The following TENM3 variants were observed in gnomAD, a reference collection of about 807,000 sequenced individuals.
TENM3 encodes the protein teneurin-3.
TENM3 carries 63 observed loss-of-function variants against 255.1 expected under a neutral mutation model. That is an observed-to-expected ratio of 0.25 (90% CI 0.20 to 0.30). The LOEUF is 0.30. TENM3 is among the 10% of genes least tolerant of loss of function. The pLI is 1.00. For missense variants in TENM3, 2,929 were observed against 3,461.1 expected, an observed-to-expected ratio of 0.85 and a Z score of 3.86; for synonymous variants, 1,306 against 1,322.3, an observed-to-expected ratio of 0.99 and a Z score of 0.27.
At position 182,753,608 on chromosome 4, in the gene TENM3, G is replaced by A. The variant is rs770415009; in HGVS notation, c.4017+4G>A. On this transcript the variant is annotated splice_donor_region_variant and intron_variant, in intron 21 of 27. Coordinates refer to ENST00000511685, the MANE Select transcript of TENM3 (RefSeq NM_001080477.4). Reference sequence around the variant, plus strand: ...CACCAGCATGCACATCAGCCAGGTAGTTAAATACTAAGCGGACTTGTTTGT... The same window carrying A: ...CACCAGCATGCACATCAGCCAGGTAATTAAATACTAAGCGGACTTGTTTGT... 5 of 1,613,300 alleles carry A rather than the reference G, an allele frequency of 3.1e-6. No homozygotes were observed. In the South Asian group the frequency reaches 5.5e-5, roughly 18 times the overall value.
intron 3 of TENM3, among the ~76,000 whole-genome samples, chr4:182,477,351 T>C (rs1733772773): frequency 6.6e-6 from 1 of 152,210 alleles, no homozygotes; most frequent in East Asian, 1.9e-4. Flanking sequence ...TTCCGTCTTT[T>C]GCCGTCATCA....
At chr4:181,945,161 G>C in the TENM3 span, among the ~76,000 whole-genome samples, 1 of 152,098 alleles carries the variant, frequency 6.6e-6, no homozygotes, top group South Asian at 2.1e-4. Context: ...GGAAAGATAA[G>C]CAATGTAGGG....
At chr4:182,303,309 AC>A in intron 1 of TENM3, among the ~76,000 whole-genome samples, 1 of 152,278 alleles carries the variant, frequency 6.6e-6, no homozygotes, top group East Asian at 1.9e-4. Context: ...GTGATTTCAC[AC>A]GTTGGTTACT....
intron 4 of TENM3, among the ~76,000 whole-genome samples, chr4:182,611,691 A>T (rs887237351): frequency 3.9e-5 from 6 of 152,228 alleles, no homozygotes; most frequent in Non-Finnish European, 8.8e-5. Flanking sequence ...TGATGGGACT[A>T]TTTCCAAATG....
rs779351840 is a variant in TENM3, at chr4:182,324,016, G to A, written c.-5G>A. ...GGACTGATGTGCACACAGAAGGAAT[G>A]AAGTATGGATGTGAAAGAACGCAGG... On this transcript the variant is annotated 5_prime_UTR_variant, in exon 2 of 28. An upstream start codon of the reference 5' UTR is lost. Transcript: ENST00000511685. The A allele has an allele frequency of 1.2e-6, 2 of 1,612,658 alleles. No individual in the cohort carries two copies. Among genetic ancestry groups the A allele is most frequent in the Admixed American group, 1.7e-5 (1 of 59,870 alleles).
At chr4:181,879,818 G>C in the TENM3 span, among the ~76,000 whole-genome samples, 3 of 152,080 alleles carry the variant, frequency 2.0e-5, no homozygotes, top group Non-Finnish European at 2.9e-5. Flanking sequence ...TTCGTTGATT[G>C]CTCAGTCCAA....
chr4:181,663,055 G>A, the TENM3 span, among the ~76,000 whole-genome samples: 5,528 of 152,170 alleles, frequency 0.036, 310 homozygotes, highest in African/African-American at 0.12. Context: ...CCTGGTCTCC[G>A]TTTTTGTGTT....
intron 3 of TENM3, among the ~76,000 whole-genome samples, chr4:182,521,704 G>A (rs35177381): frequency 0.26 from 39,223 of 152,058 alleles, 6,212 homozygotes; most frequent in South Asian, 0.37. Flanking sequence ...TATTTTTAAT[G>A]CGTTTCAAGA....
the TENM3 span, among the ~76,000 whole-genome samples, chr4:181,542,557 G>A: frequency 6.6e-6 from 1 of 151,976 alleles, no homozygotes; most frequent in African/African-American, 2.4e-5. Context: ...AAATAGAAGT[G>A]GGGATGGAGA....
At position 182,433,147 on chromosome 4, in the gene TENM3, T is replaced by C. The variant is rs1183731552; in HGVS notation, c.511+86218T>C. ...GTGATTGTGGTGATGGAAAATATTTTGAATCTAACCAGAGGGCCTGTGGAT... is the reference window on the plus strand; with the variant it reads ...GTGATTGTGGTGATGGAAAATATTTCGAATCTAACCAGAGGGCCTGTGGAT... On this transcript the variant is annotated intron_variant, in intron 3 of 27. Transcript: ENST00000511685. Among the ~76,000 whole-genome samples, 6 of 152,184 alleles carry C rather than the reference T, an allele frequency of 3.9e-5. 1 individual carries two copies. The highest frequency in any genetic ancestry group is 3.9e-4 in the Admixed American group (6 of 15,280).
chr4:181,888,494 G>GTGTATATA, the TENM3 span, among the ~76,000 whole-genome samples: 1 of 28,242 alleles, frequency 3.5e-5, no homozygotes, highest in Non-Finnish European at 6.0e-5. Flanking sequence ...ATAGAAATGT[G>GTGTATATA]TATATATATA....
intron 18 of TENM3, among the ~76,000 whole-genome samples, chr4:182,739,430 T>C (rs75758773): frequency 0.017 from 2,589 of 152,292 alleles, 62 homozygotes; most frequent in South Asian, 0.097. Flanking sequence ...TAATCTATTA[T>C]ACTTTAGCAT....
chr4:181,496,606 A>T, the TENM3 span, among the ~76,000 whole-genome samples: 1 of 152,228 alleles, frequency 6.6e-6, no homozygotes, highest in Non-Finnish European at 1.5e-5. Flanking sequence ...TTTTAAAAAA[A>T]ATCATAGTTT....
chr4:182,144,202 GCACACA>G (rs3833623), upstream of TENM3: 1,360 of 148,570 alleles, frequency 9.2e-3, 12 homozygotes, highest in African/African-American at 0.025. Flanking sequence ...GCACACTCCC[GCACACA>G]CACACACACA....
At chr4:182,756,309 A>G (rs1009296730) in intron 22 of TENM3, among the ~76,000 whole-genome samples, 5 of 152,208 alleles carry the variant, frequency 3.3e-5, no homozygotes, top group Non-Finnish European at 7.4e-5. Flanking sequence ...TCATTCAGCC[A>G]GGGTGTTCCA....
chr4:182,120,051 C>T, the TENM3 span, among the ~76,000 whole-genome samples: 1 of 150,488 alleles, frequency 6.6e-6, no homozygotes, highest in East Asian at 2.0e-4. Context: ...AGTCCACTGA[C>T]AGTTTTTTCA....
the TENM3 span, among the ~76,000 whole-genome samples, chr4:181,672,226 A>G: frequency 6.6e-6 from 1 of 152,148 alleles, no homozygotes; most frequent in African/African-American, 2.4e-5. Context: ...TTTGAGCTTC[A>G]CTTCTTCTGT....
chr4:182,146,503 C>T (rs183810663), intron 1 of TENM3, among the ~76,000 whole-genome samples: 76 of 152,214 alleles, frequency 5.0e-4, no homozygotes, highest in African/African-American at 1.8e-3. Context: ...GTATCTCTTC[C>T]TGTTGCATTT....
intron 6 of TENM3, among the ~76,000 whole-genome samples, chr4:182,660,996 AT>A (rs1754177577): frequency 6.6e-6 from 1 of 152,144 alleles, no homozygotes; most frequent in Non-Finnish European, 1.5e-5. Context: ...TTAGCCTAGG[AT>A]AATTTAGGAT....
Sources: allele counts gnomAD v4.1 joint callset (sites outside exome capture counted in the v4.1 genomes callset), GRCh38; gene constraint gnomAD v4.1.1; transcripts MANE v1.5; gene names NCBI Gene and HGNC (gene_info 2026-07-23, HGNC 2026-07-21).